Variants in RUNX1T1 observed in about 807,000 individuals in gnomAD.
RUNX1T1 encodes protein CBFA2T1.
Under a neutral mutation model 62.8 loss-of-function variants are expected in RUNX1T1, and 4 were observed. That is an observed-to-expected ratio of 0.06 (90% CI 0.03 to 0.15). The LOEUF (loss-of-function observed/expected upper bound fraction) is 0.15. RUNX1T1 is among the 10% of genes least tolerant of loss of function. The probability of loss-of-function intolerance (pLI) is 1.00; values close to 1 mark genes in which losing one functional copy is unlikely to be tolerated. For missense variants in RUNX1T1, 508 were observed against 754.3 expected, an observed-to-expected ratio of 0.67 and a Z score of 3.82; for synonymous variants, 291 against 286.0, an observed-to-expected ratio of 1.02 and a Z score of -0.18.
intron 2 of RUNX1T1, among the ~76,000 whole-genome samples, chr8:92,073,375 C>T (rs946628987): frequency 3.3e-5 from 5 of 152,166 alleles, no homozygotes; most frequent in African/African-American, 9.6e-5. Context: ...ACCCTCCTGC[C>T]CCCCAGCCTC....
chr8:92,064,620 AT>A (rs961547632), upstream of RUNX1T1, among the ~76,000 whole-genome samples: 58 of 149,898 alleles, frequency 3.9e-4, no homozygotes, highest in Middle Eastern at 3.4e-3. Flanking sequence ...CATGCCACTG[AT>A]TTTTTTTTTA....
At chr8:92,027,559 C>A (rs1333651489) in intron 1 of RUNX1T1, among the ~76,000 whole-genome samples, 1 of 152,050 alleles carries the variant, frequency 6.6e-6, no homozygotes. Context: ...GTCTGAAGCC[C>A]AAAGATATGT....
At chr8:92,087,361 TC>T (rs1445073841) in intron 1 of RUNX1T1, among the ~76,000 whole-genome samples, 2 of 147,738 alleles carry the variant, frequency 1.4e-5, no homozygotes, top group Non-Finnish European at 3.0e-5. Flanking sequence ...TAATTTATTC[TC>T]TCTCCACCCC....
exon 8 of RUNX1T1, chr8:91,986,200 G>A: frequency 1.2e-6 from 2 of 1,614,042 alleles, no homozygotes; most frequent in South Asian, 1.1e-5. Flanking sequence ...CTTTTTTTAA[G>A]TCCTCGGCGT....
At chr8:91,987,516 T>C (rs1280895308) in intron 6 of RUNX1T1, among the ~76,000 whole-genome samples, 1 of 152,136 alleles carries the variant, frequency 6.6e-6, no homozygotes, top group Admixed American at 6.5e-5. Context: ...TTGTATAATA[T>C]GGAGCTACAT....
At chr8:92,031,260 T>G (rs1190050161) in intron 1 of RUNX1T1, among the ~76,000 whole-genome samples, 1 of 152,214 alleles carries the variant, frequency 6.6e-6, no homozygotes, top group African/African-American at 2.4e-5. Flanking sequence ...TTTTTTGTAC[T>G]AAACCATCTA....
chr8:91,957,059 T>A (rs1056420678), downstream of RUNX1T1: 1 of 213,142 alleles, frequency 4.7e-6, no homozygotes, highest in East Asian at 6.9e-5. Flanking sequence ...GAGAAAAGAG[T>A]AAGAGACAGA....
At chr8:92,051,590 A>T (rs1830245042) in intron 1 of RUNX1T1, among the ~76,000 whole-genome samples, 1 of 146,534 alleles carries the variant, frequency 6.8e-6, no homozygotes, top group African/African-American at 2.6e-5. Context: ...TCTCTCTCAC[A>T]CACACACACA....
intron 1 of RUNX1T1, chr8:92,081,197 G>A (rs1024127407): frequency 1.0e-5 from 6 of 578,778 alleles, no homozygotes; most frequent in Non-Finnish European, 1.3e-5. Flanking sequence ...TAACTTATCA[G>A]GATGATATGA....
At chr8:91,983,566 T>G (rs923705786) in intron 8 of RUNX1T1, among the ~76,000 whole-genome samples, 1 of 152,136 alleles carries the variant, frequency 6.6e-6, no homozygotes, top group African/African-American at 2.4e-5. Context: ...ATAATTAGGC[T>G]AAAAGAAATA....
Position 92,022,364 on chromosome 8 carries a change from T to C in RUNX1T1, c.8-5001A>G, listed in dbSNP as rs200969525. On this transcript the variant is annotated intron_variant, in intron 1 of 10. Coordinates refer to ENST00000396218, the Ensembl canonical transcript of RUNX1T1. Reference sequence around the variant, plus strand: ...AGTTCAACTTTGCAACTAACTTATATAGAATGACGTCTCACCTCATGTCTT... The same window carrying C: ...AGTTCAACTTTGCAACTAACTTATACAGAATGACGTCTCACCTCATGTCTT... 2.6e-5 allele frequency among the ~76,000 whole-genome samples: 4 copies of C among 152,196 alleles called. No individual in the cohort carries two copies. The East Asian group carries it at 7.7e-4, about 29-fold the overall frequency.
intron 1 of RUNX1T1, among the ~76,000 whole-genome samples, chr8:92,024,399 T>C (rs7820440): frequency 0.25 from 36,646 of 148,084 alleles, 4,831 homozygotes; most frequent in African/African-American, 0.35. Context: ...GTTCCTGCTA[T>C]GCAGGAGGTT....
chr8:92,007,955 G>A (rs575958261), intron 4 of RUNX1T1, among the ~76,000 whole-genome samples: 8 of 128,024 alleles, frequency 6.2e-5, no homozygotes, highest in South Asian at 4.9e-4. Context: ...GTAACAGAGC[G>A]AGACTTTGTT....
At chr8:91,999,343 T>A (rs1262966563) in intron 5 of RUNX1T1, among the ~76,000 whole-genome samples, 1 of 152,216 alleles carries the variant, frequency 6.6e-6, no homozygotes, top group Non-Finnish European at 1.5e-5. Flanking sequence ...TTGCTGGCCA[T>A]ATAAACTCAA....
intron 1 of RUNX1T1, among the ~76,000 whole-genome samples, chr8:92,051,606 T>TCTCTCTCTCTCTCTCTCA: frequency 6.7e-6 from 1 of 148,668 alleles, no homozygotes; most frequent in Non-Finnish European, 1.5e-5. Flanking sequence ...ACACACACTC[T>TCTCTCTCTCTCTCTCTCA]CTCTCTCTCT....
intron 1 of RUNX1T1, among the ~76,000 whole-genome samples, chr8:92,028,453 T>C (rs1587127463): frequency 6.6e-6 from 1 of 152,166 alleles, no homozygotes; most frequent in Non-Finnish European, 1.5e-5. Context: ...TGCTTCTTAT[T>C]CTAATCACCA....
rs555896071 is a variant in RUNX1T1, at chr8:92,060,515, A to G, written c.7+2031T>C. Reference sequence around the variant, plus strand: ...ACCAGGAATTAGTTCTGATACTTCAACTACCAAATATATATATATATATAT... The same window carrying G: ...ACCAGGAATTAGTTCTGATACTTCAGCTACCAAATATATATATATATATAT... On this transcript the variant is annotated intron_variant, in intron 1 of 10. Coordinates refer to ENST00000396218, the Ensembl canonical transcript of RUNX1T1. 3.8e-5 allele frequency among the ~76,000 whole-genome samples: 5 copies of G among 130,378 alleles called. No individual in the cohort carries two copies. The South Asian group carries it at 1.2e-3, about 32-fold the overall frequency. 85.5% of individuals were successfully genotyped at this position (130,378 alleles called of 152,430 possible).
chr8:91,955,484 G>A (rs1809221466), downstream of RUNX1T1: 1 of 226,040 alleles, frequency 4.4e-6, no homozygotes, highest in Non-Finnish European at 8.8e-6. Context: ...AAAAAAATCT[G>A]TTCTGATACC....
chr8:92,059,003 A>G (rs1055504381), intron 1 of RUNX1T1, among the ~76,000 whole-genome samples: 1 of 152,212 alleles, frequency 6.6e-6, no homozygotes, highest in African/African-American at 2.4e-5. Context: ...ATCATTTTAC[A>G]TACACAGAAC....
Sources: gnomAD v4.1 joint callset for allele counts (sites outside exome capture counted in the v4.1 genomes callset) on GRCh38, gnomAD v4.1.1 for gene constraint, MANE v1.5 for transcripts, NCBI Gene and HGNC (gene_info 2026-07-23, HGNC 2026-07-21) for gene names.